Variants in FAM227B observed in about 807,000 individuals in gnomAD.
FAM227B encodes family with sequence similarity 227 member B, also known as protein FAM227B.
A neutral mutation model predicts 73.8 loss-of-function variants in FAM227B; 88 were observed. The ratio of observed to expected loss-of-function variants is 1.19; its 90% CI spans 1.00 to 1.42. FAM227B has a LOEUF of 1.42. Among genes scored for constraint, FAM227B ranks in the 40% most tolerant of loss-of-function variants. The pLI is 0.00. For missense variants in FAM227B, 632 were observed against 590.9 expected, an observed-to-expected ratio of 1.07 and a Z score of -0.72; for synonymous variants, 210 against 190.5, an observed-to-expected ratio of 1.10 and a Z score of -0.84.
intron 9 of FAM227B, among the ~76,000 whole-genome samples, chr15:49,561,729 C>T (rs970923380): frequency 6.6e-6 from 1 of 152,130 alleles, no homozygotes; most frequent in African/African-American, 2.4e-5. Context: ...GAAAATTACA[C>T]AACTTGCTCC....
chr15:49,542,422 C>A (rs551309640), intron 9 of FAM227B, among the ~76,000 whole-genome samples: 4 of 152,086 alleles, frequency 2.6e-5, no homozygotes, highest in African/African-American at 9.7e-5. Flanking sequence ...TTGGTGCACT[C>A]GCCACCTGAG....
intron 11 of FAM227B, among the ~76,000 whole-genome samples, chr15:49,467,708 A>G (rs2054388697): frequency 6.6e-6 from 1 of 152,142 alleles, no homozygotes; most frequent in Admixed American, 6.6e-5. Context: ...TGTCAGACAA[A>G]TAATTCTTTC....
At chr15:49,365,776 C>CA in intron 13 of FAM227B, 1 of 852,484 alleles carries the variant, frequency 1.2e-6, no homozygotes, top group Non-Finnish European at 2.0e-6. Context: ...AAACACAGCC[C>CA]AAACAATAGC....
chr15:49,533,052 C>T (rs2060731334), intron 10 of FAM227B, among the ~76,000 whole-genome samples: 1 of 151,884 alleles, frequency 6.6e-6, no homozygotes, highest in African/African-American at 2.4e-5. Flanking sequence ...GCACATCCTC[C>T]AATTGCTTTT....
At chr15:49,447,507 T>C (rs1485103104) in intron 11 of FAM227B, among the ~76,000 whole-genome samples, 2 of 151,802 alleles carry the variant, frequency 1.3e-5, no homozygotes, top group South Asian at 2.1e-4. Flanking sequence ...ATTCTCAATC[T>C]TAATGTGATT....
chr15:49,578,454 C>T (rs1273457546), intron 5 of FAM227B, among the ~76,000 whole-genome samples: 1 of 140,164 alleles, frequency 7.1e-6, no homozygotes, highest in African/African-American at 2.6e-5. Flanking sequence ...AATATGTATA[C>T]ATACTATAGA....
intron 10 of FAM227B, among the ~76,000 whole-genome samples, chr15:49,537,855 A>C (rs541953145): frequency 6.6e-6 from 1 of 152,322 alleles, no homozygotes; most frequent in East Asian, 1.9e-4. Context: ...TTTGGAAAAT[A>C]AGAAAAATCA....
intron 3 of FAM227B, among the ~76,000 whole-genome samples, chr15:49,610,612 C>A (rs994424797): frequency 1.3e-5 from 2 of 151,964 alleles, no homozygotes; most frequent in Non-Finnish European, 2.9e-5. Context: ...AATTAAAAAG[C>A]CACCTTTTTT....
In FAM227B at chr15:49,328,390, A is replaced by ATCTT. The variant is rs1555435201; in HGVS notation, c.*174_*177dup. The ATCTT allele has an allele frequency of 7.0e-7, 1 of 1,428,634 alleles. No homozygotes were observed. Among genetic ancestry groups the ATCTT allele is most frequent in the African/African-American group, 1.4e-5 (1 of 69,658 alleles). 88.5% of individuals were successfully genotyped at this position (1,428,634 alleles called of 1,614,324 possible). On this transcript the variant is annotated 3_prime_UTR_variant, in exon 16 of 16. Transcript: ENST00000299338. ...AAGAGCCAAGATCATGCTTGGACAG[A>ATCTT]TCTTTTAAGAATAACTTACTGAGAT...
chr15:49,541,490 T>C (rs2071060910), intron 10 of FAM227B, among the ~76,000 whole-genome samples, 190 bp downstream of exon 10: 1 of 152,128 alleles, frequency 6.6e-6, no homozygotes, highest in South Asian at 2.1e-4. Flanking sequence ...ATTTAATAAG[T>C]AATTAATTAT....
intron 11 of FAM227B, among the ~76,000 whole-genome samples, chr15:49,474,732 C>T (rs1342518507): frequency 6.6e-6 from 1 of 152,102 alleles, no homozygotes; most frequent in Non-Finnish European, 1.5e-5. Flanking sequence ...AGCATTCCAC[C>T]TCCTGTCAGA....
At chr15:49,370,623 T>C (rs1190690484) in intron 12 of FAM227B, among the ~76,000 whole-genome samples, 2 of 152,244 alleles carry the variant, frequency 1.3e-5, no homozygotes, top group African/African-American at 4.8e-5. Flanking sequence ...TATATAGGCA[T>C]AATTTTTAAT....
At chr15:49,549,896 T>C (rs75690377) in intron 9 of FAM227B, among the ~76,000 whole-genome samples, 13,323 of 106,882 alleles carry the variant, frequency 0.12, 978 homozygotes, top group Non-Finnish European at 0.19. Context: ...GACGGGGTGG[T>C]TGGCCGGGCG....
At chr15:49,542,125 T>G (rs1339237328) in intron 9 of FAM227B, among the ~76,000 whole-genome samples, 1 of 152,198 alleles carries the variant, frequency 6.6e-6, no homozygotes, top group Non-Finnish European at 1.5e-5. Flanking sequence ...TACATTTATT[T>G]AATATTTTTA....
chr15:49,561,500 C>T (rs547056415), intron 9 of FAM227B, among the ~76,000 whole-genome samples: 1 of 152,250 alleles, frequency 6.6e-6, no homozygotes, highest in Admixed American at 6.5e-5. Context: ...TTAAATTCAA[C>T]ACTTGATCAG....
intron 11 of FAM227B, among the ~76,000 whole-genome samples, chr15:49,501,241 A>C (rs1200834693): frequency 2.0e-5 from 3 of 152,206 alleles, no homozygotes; most frequent in Admixed American, 6.5e-5. Flanking sequence ...AGAAGACAGG[A>C]AGATGAGGGA....
At chr15:49,541,192 G>A (rs2071018165) in intron 10 of FAM227B, among the ~76,000 whole-genome samples, 1 of 151,988 alleles carries the variant, frequency 6.6e-6, no homozygotes, top group Non-Finnish European at 1.5e-5. Flanking sequence ...CTTGATAAAT[G>A]TTCTAGGATA....
chr15:49,605,765 G>C (rs1018412131), intron 3 of FAM227B, among the ~76,000 whole-genome samples: 1 of 152,074 alleles, frequency 6.6e-6, no homozygotes, highest in East Asian at 1.9e-4. Context: ...TGCTGGAGTG[G>C]GCCTGGAGCC....
chr15:49,396,354 G>A (rs778253441), intron 11 of FAM227B: 7 of 289,744 alleles, frequency 2.4e-5, no homozygotes, highest in African/African-American at 4.6e-5. Context: ...CTACGCCCAC[G>A]GAGTCTCGCT....
Sources: allele counts gnomAD v4.1 joint callset (sites outside exome capture counted in the v4.1 genomes callset), GRCh38; gene constraint gnomAD v4.1.1; transcripts MANE v1.5; gene names NCBI Gene and HGNC (gene_info 2026-07-23, HGNC 2026-07-21).